NRG1: variants seen among roughly 807,000 people sequenced by gnomAD.
NRG1 encodes neuregulin 1.
Under a neutral mutation model 63.8 loss-of-function variants are expected in NRG1, and 18 were observed. That is an observed-to-expected ratio of 0.28 (90% CI 0.19 to 0.42). The LOEUF (loss-of-function observed/expected upper bound fraction) is 0.42, where lower values mean the gene tolerates loss of function less well. Among genes scored for constraint, NRG1 ranks in the 10% least tolerant of loss-of-function variants. NRG1 has a pLI of 1.00. For synonymous variants in NRG1, 302 were observed against 301.3 expected (o/e 1.00, Z -0.02); for missense variants, 762 against 814.7 (o/e 0.94, Z 0.79).
intron 1 of NRG1, among the ~76,000 whole-genome samples, chr8:32,164,802 A>G (rs1401340420): frequency 1.3e-5 from 2 of 152,204 alleles, no homozygotes; most frequent in African/African-American, 4.8e-5. Flanking sequence ...CTTAGTTCCA[A>G]TAAAATTGTT....
At position 32,326,532 on chromosome 8, in the gene NRG1, C is replaced by G. The variant is rs1417658472; in HGVS notation, c.38-269296C>G. Among the ~76,000 whole-genome samples, 2 of 151,854 alleles carry G rather than the reference C, an allele frequency of 1.3e-5. 1 individual carries two copies. The highest frequency in any genetic ancestry group is 4.2e-4 in the South Asian group (2 of 4,782). ...TAGAGACATGGTCTCACTATGTTGCCCAGGCTGGTCTTGAACTTCTAGCCT... is the reference window on the plus strand; with the variant it reads ...TAGAGACATGGTCTCACTATGTTGCGCAGGCTGGTCTTGAACTTCTAGCCT... On this transcript the variant is annotated intron_variant, in intron 1 of 10. Coordinates refer to the NRG1 transcript ENST00000519301.
intron 1 of NRG1, among the ~76,000 whole-genome samples, chr8:31,869,501 T>G (rs1829291700): frequency 6.6e-6 from 1 of 152,228 alleles, no homozygotes; most frequent in African/African-American, 2.4e-5. Context: ...TAGCATTTTC[T>G]TAAAATTAGA....
intron 1 of NRG1, among the ~76,000 whole-genome samples, chr8:31,767,643 C>T (rs183973131): frequency 1.3e-3 from 202 of 152,080 alleles, no homozygotes; most frequent in African/African-American, 4.5e-3. Context: ...AGTTCCAGAC[C>T]AGCTTTCCCA....
chr8:32,647,815 C>G (rs376427465), intron 5 of NRG1: 15 of 1,613,772 alleles, frequency 9.3e-6, no homozygotes, highest in South Asian at 1.1e-5. Context: ...GATGGGCTTC[C>G]GGCAGCAGAA....
At chr8:32,183,463 G>A (rs1374792105) in intron 1 of NRG1, among the ~76,000 whole-genome samples, 10 of 152,186 alleles carry the variant, frequency 6.6e-5, no homozygotes, top group Non-Finnish European at 1.5e-5. Context: ...ATGCTGCAGG[G>A]ATTAGAAAGA....
intron 1 of NRG1, among the ~76,000 whole-genome samples, chr8:32,580,738 C>T (rs1029723248): frequency 6.6e-6 from 1 of 152,022 alleles, no homozygotes. Context: ...AAAATTGTAA[C>T]ATAGTGTAAT....
intron 1 of NRG1, among the ~76,000 whole-genome samples, chr8:31,661,287 G>A (rs907878666): frequency 5.3e-5 from 8 of 152,106 alleles, no homozygotes; most frequent in Admixed American, 1.3e-4. Context: ...AGGTCTGACC[G>A]CCTTTTATCT....
At chr8:32,655,590 A>T (rs1009535728) in intron 5 of NRG1, among the ~76,000 whole-genome samples, 2 of 152,154 alleles carry the variant, frequency 1.3e-5, no homozygotes, top group Non-Finnish European at 2.9e-5. Flanking sequence ...TTTACCAGTG[A>T]ATTAATTTGT....
intron 1 of NRG1, among the ~76,000 whole-genome samples, chr8:31,727,518 AC>A (rs1288886219): frequency 6.6e-6 from 1 of 152,138 alleles, no homozygotes; most frequent in African/African-American, 2.4e-5. Flanking sequence ...AATAGAATAA[AC>A]CCCTGGCACA....
intron 1 of NRG1, among the ~76,000 whole-genome samples, chr8:31,972,546 T>G (rs1807471490): frequency 6.6e-6 from 1 of 152,146 alleles, no homozygotes; most frequent in Admixed American, 6.5e-5. Flanking sequence ...AGCCTTTTAT[T>G]CCCTTCCTAT....
chr8:32,300,220 C>T (rs553641434), intron 1 of NRG1, among the ~76,000 whole-genome samples: 4 of 152,166 alleles, frequency 2.6e-5, no homozygotes, highest in East Asian at 1.9e-4. Context: ...AGTTTGAACA[C>T]TCTGAGATCG....
chr8:31,860,215 T>C (rs1828344221), intron 1 of NRG1, among the ~76,000 whole-genome samples: 1 of 152,232 alleles, frequency 6.6e-6, no homozygotes, highest in Non-Finnish European at 1.5e-5. Flanking sequence ...GATACTATTA[T>C]GATTAATCTA....
At chr8:31,877,463 GTC>G (rs958741908) in intron 1 of NRG1, among the ~76,000 whole-genome samples, 1 of 151,342 alleles carries the variant, frequency 6.6e-6, no homozygotes, top group African/African-American at 2.4e-5. Context: ...CTGTCTCTGT[GTC>G]TCTCTCTCCA....
At chr8:32,502,497 T>C (rs1213070372) in intron 1 of NRG1, among the ~76,000 whole-genome samples, 3 of 78,896 alleles carry the variant, frequency 3.8e-5, no homozygotes, top group Admixed American at 1.2e-4. Context: ...ACCCATTCAG[T>C]CCTAGCCAGC....
chr8:31,650,830 C>G (rs1487956220), intron 1 of NRG1, among the ~76,000 whole-genome samples: 2 of 152,188 alleles, frequency 1.3e-5, no homozygotes, highest in Non-Finnish European at 2.9e-5. Context: ...GTGCCCTGGC[C>G]TCGAGTCAGA....
At chr8:32,168,532 A>G (rs1188915873) in intron 1 of NRG1, among the ~76,000 whole-genome samples, 1 of 152,214 alleles carries the variant, frequency 6.6e-6, no homozygotes, top group Non-Finnish European at 1.5e-5. Flanking sequence ...TGCTGGTTGA[A>G]TTTAGTGCCC....
chr8:31,651,775 G>T (rs1285116285), intron 1 of NRG1, among the ~76,000 whole-genome samples: 2 of 152,136 alleles, frequency 1.3e-5, no homozygotes, highest in African/African-American at 4.8e-5. Context: ...GCTTAGCTGG[G>T]CTAGGTCCAT....
At chr8:32,232,781 C>A (rs1286949676) in intron 1 of NRG1, among the ~76,000 whole-genome samples, 1 of 152,116 alleles carries the variant, frequency 6.6e-6, no homozygotes, top group Non-Finnish European at 1.5e-5. Context: ...GCCTAACAAA[C>A]ATTACTCAGG....
chr8:31,974,323 C>T (rs1032738573), intron 1 of NRG1, among the ~76,000 whole-genome samples: 1 of 152,010 alleles, frequency 6.6e-6, no homozygotes, highest in African/African-American at 2.4e-5. Flanking sequence ...ACTACCCTGC[C>T]TGGCTAATTT....
Sources: gnomAD v4.1 joint callset for allele counts (sites outside exome capture counted in the v4.1 genomes callset) on GRCh38, gnomAD v4.1.1 for gene constraint, MANE v1.5 for transcripts, NCBI Gene and HGNC (gene_info 2026-07-23, HGNC 2026-07-21) for gene names.